TESK1: variants seen among roughly 807,000 people sequenced by gnomAD.
TESK1 encodes the protein testis associated actin remodelling kinase 1.
Under a neutral mutation model 59.9 loss-of-function variants are expected in TESK1, and 18 were observed. The ratio of observed to expected loss-of-function variants is 0.30; its 90% CI spans 0.21 to 0.45. The LOEUF (loss-of-function observed/expected upper bound fraction) is 0.45. Ranked by LOEUF, TESK1 falls within the 20% of genes least tolerant of loss-of-function variation. The probability of loss-of-function intolerance (pLI) is 1.00; values close to 1 mark genes in which losing one functional copy is unlikely to be tolerated. For missense variants in TESK1, 748 were observed against 840.9 expected (o/e 0.89, Z 1.37); for synonymous variants, 341 against 357.4 (o/e 0.95, Z 0.52).
rs1822827585 is a variant in TESK1 at position 35,605,603 on chromosome 9, G to T, written c.-17G>T. On this transcript the variant is annotated 5_prime_UTR_variant, in exon 1 of 10. Coordinates refer to ENST00000336395, the MANE Select transcript of TESK1 (RefSeq NM_006285.3). ...GGACCCTGCCATGTGAGGCAGGCCC[G>T]GGCTGGGGGCCCGGCCATGGCCGGG... is the stretch of plus-strand genomic sequence containing the variant. 9.8e-7 allele frequency: 1 copy of T among 1,025,244 alleles called. No individual in the cohort carries two copies. Among genetic ancestry groups the T allele is most frequent in the Non-Finnish European group, 1.2e-6 (1 of 814,514 alleles). The allele number at this position is 1,025,244 out of a possible 1,614,324, so 63.5% of individuals were successfully genotyped here.
chr9:35,608,524 C>T lies in TESK1; in HGVS notation c.1000+15C>T, dbSNP rs1201697872. 6.2e-7 allele frequency: 1 copy of T among 1,608,442 alleles called. No individual in the cohort carries two copies. The highest frequency in any genetic ancestry group is 1.1e-5 in the South Asian group (1 of 90,778). ...ACACAATCAGGGTAAGGGAGCCTGACCTTGATCCAGCTTGAGTCCTTTGGC... is the reference window on the plus strand; with the variant it reads ...ACACAATCAGGGTAAGGGAGCCTGATCTTGATCCAGCTTGAGTCCTTTGGC... On this transcript the variant is annotated intron_variant, in intron 9 of 9. Coordinates refer to ENST00000336395, the MANE Select transcript of TESK1 (RefSeq NM_006285.3).
chr9:35,608,539 A>G (rs747839330), intron 9 of TESK1, 30 bp downstream of exon 9: 1 of 1,597,380 alleles, frequency 6.3e-7, no homozygotes, highest in Admixed American at 1.7e-5. Context: ...ATCCAGCTTG[A>G]GTCCTTTGGC....
chr9:35,609,422 G>A lies in TESK1; in HGVS notation c.1561G>A (p.Val521Met). 6.2e-7 allele frequency: 1 copy of A among 1,609,196 alleles called. No homozygotes were observed. Among genetic ancestry groups the A allele is most frequent in the South Asian group, 1.1e-5 (1 of 90,452 alleles). The change falls in exon 10 of 10, where the codon GTG becomes ATG. Residue 521 changes from valine to methionine, a missense_variant. By Grantham distance (21) the Val-to-Met change is conservative (BLOSUM62 1). Around this residue, in one of 3 missense-constraint regions of TESK1, gnomAD observed 447 missense variants for 466.1 expected, o/e 0.96. Coordinates refer to ENST00000336395, the MANE Select transcript of TESK1 (RefSeq NM_006285.3). The surrounding 1 kb of genome is among the most constrained non-coding windows in gnomAD (Gnocchi z 6.7). Reference sequence around the variant, plus strand: ...CGTCCTCAATAACAATCCCCCAGCTGTGGTGGTGAACTCCCCACAAGGCTG... The same window carrying A: ...CGTCCTCAATAACAATCCCCCAGCTATGGTGGTGAACTCCCCACAAGGCTG... ...GPVLNNNPPA[V>M]VVNSPQGWAG...
At position 35,607,687 on chromosome 9, in the gene TESK1, C is replaced by T. The variant is rs1158685956; in HGVS notation, c.711+15C>T. ...ATGATGAGAAGGTGAGACATCAACC[C>T]TTCAGATCCCCAAGGCCTTCCGAGA... On this transcript the variant is annotated intron_variant, in intron 6 of 9. Transcript: ENST00000336395. This position sits in a 1 kb window ranked among gnomAD's most constrained non-coding sequence, Gnocchi z 4.5. 7 of 1,605,888 alleles carry T rather than the reference C, an allele frequency of 4.4e-6. No homozygotes were observed. In the African/African-American group the frequency reaches 6.7e-5, roughly 15 times the overall value.
rs1723869781 is a variant in TESK1 at position 35,609,671 on chromosome 9, C to T, written c.1810C>T (p.Leu604Phe). The T allele has an allele frequency of 6.2e-7, 1 of 1,603,854 alleles. No homozygotes were observed. Among genetic ancestry groups the T allele is most frequent in the Admixed American group, 1.7e-5 (1 of 59,988 alleles). ...YRNLNCEAGS[L>F]LCHRGHHAKP... ...CAACCTGAACTGTGAGGCGGGCAGT[C>T]TCCTCTGCCACCGAGGGCACCACGC... Residue 604 changes from leucine to phenylalanine, a missense_variant, in exon 10 of 10, where the codon CTC becomes TTC. By Grantham distance (22) the Leu-to-Phe change is conservative (BLOSUM62 0). Around this residue, in one of 3 missense-constraint regions of TESK1, gnomAD observed 447 missense variants for 466.1 expected, o/e 0.96. Transcript: ENST00000336395. The surrounding 1 kb of genome is among the most constrained non-coding windows in gnomAD (Gnocchi z 6.7).
At chr9:35,606,210 CCTT>C (rs758390705) in intron 2 of TESK1, 24 bp from the exon 3 acceptor site, 12 of 1,614,186 alleles carry the variant, frequency 7.4e-6, no homozygotes, top group East Asian at 2.2e-5. Context: ...AATAGCCTAT[CCTT>C]CTATCTTCCC....
chr9:35,608,852 C>T lies in TESK1; in HGVS notation c.1001-10C>T. 2 of 1,563,792 alleles carry T rather than the reference C, an allele frequency of 1.3e-6. No individual in the cohort carries two copies. Among genetic ancestry groups the T allele is most frequent in the Non-Finnish European group, 1.7e-6 (2 of 1,154,914 alleles). On this transcript the variant is annotated splice_polypyrimidine_tract_variant and intron_variant, in intron 9 of 9. Coordinates refer to ENST00000336395, the MANE Select transcript of TESK1 (RefSeq NM_006285.3). ...CTGAGGACAGTGATTCCAGACTTCTCTATCTACAGGCTCTGTTGCAAGAGG... is the reference window on the plus strand; with the variant it reads ...CTGAGGACAGTGATTCCAGACTTCTTTATCTACAGGCTCTGTTGCAAGAGG...
At position 35,606,822 on chromosome 9, in the gene TESK1, C is replaced by T. The variant is rs1341272905; in HGVS notation, c.391-15C>T. Reference sequence around the variant, plus strand: ...GAAGTCTGACATCTATTCCCATTCTCCTCCTATGCACCAGTATATGAATGG... The same window carrying T: ...GAAGTCTGACATCTATTCCCATTCTTCTCCTATGCACCAGTATATGAATGG... On this transcript the variant is annotated splice_polypyrimidine_tract_variant and intron_variant, in intron 3 of 9. Coordinates refer to ENST00000336395, the MANE Select transcript of TESK1 (RefSeq NM_006285.3). 6.3e-6 allele frequency: 10 copies of T among 1,586,998 alleles called. No homozygotes were observed. Among genetic ancestry groups the T allele is most frequent in the East Asian group, 2.2e-5 (1 of 44,594 alleles).
Position 35,608,201 on chromosome 9 carries a change from GGAT to G in TESK1, c.840_842del (p.Asp281del). ...TGCCTGCTTTCCGAACTCTGGTGGGGGATGACTGCCCACTGCCTTTCTTGCTCC... is the reference window on the plus strand; with the variant it reads ...TGCCTGCTTTCCGAACTCTGGTGGGGGACTGCCCACTGCCTTTCTTGCTCC... On this transcript the variant is annotated inframe_deletion, in exon 8 of 10. Transcript: ENST00000336395. 1.9e-6 allele frequency: 3 copies of G among 1,614,164 alleles called. No homozygotes were observed. The East Asian group carries it at 6.7e-5, about 36-fold the overall frequency.
At chr9:35,608,092 T>G in intron 7 of TESK1, 68 bp from the exon 8 acceptor site, 1 of 1,609,598 alleles carries the variant, frequency 6.2e-7, no homozygotes, top group Non-Finnish European at 8.5e-7. Flanking sequence ...AGGTTGAGGT[T>G]CTGACTGGGG....
chr9:35,605,755 A>G lies in TESK1; in HGVS notation c.136A>G (p.Ser46Gly), dbSNP rs1339174522. The G allele has an allele frequency of 2.5e-6, 4 of 1,606,826 alleles. No individual in the cohort carries two copies. The highest frequency in any genetic ancestry group is 3.4e-6 in the Non-Finnish European group (4 of 1,177,508). The part of the protein sequence containing the change: ...GRPSSYRALR[S>G]AVSSLARVDD... The stretch of plus-strand genomic sequence containing the variant: ...CCCCTCCTCCTACCGGGCTCTCCGC[A>G]GCGCCGTGTCTAGCCTGGCGCGTGT... The change falls in exon 1 of 10, where the codon AGC becomes GGC. Residue 46 changes from serine to glycine, a missense_variant. By Grantham distance (56) the Ser-to-Gly change is moderately conservative. Around this residue, in one of 3 missense-constraint regions of TESK1, gnomAD observed 133 missense variants for 117.4 expected, o/e 1.13. Coordinates refer to ENST00000336395, the MANE Select transcript of TESK1 (RefSeq NM_006285.3).
In TESK1 at chr9:35,607,969, C is replaced by T. The variant is rs762402261; in HGVS notation, c.753C>T (p.Ile251=). 3.1e-6 allele frequency: 5 copies of T among 1,614,178 alleles called. No homozygotes were observed. Among genetic ancestry groups the T allele is most frequent in the East Asian group, 2.2e-5 (1 of 44,880 alleles). The stretch of plus-strand genomic sequence containing the variant: ...TCGGGATTGTCCTCTGTGAGCTCAT[C>T]GCCCGAGTACCTGCAGACCCTGACT... The part of the protein sequence containing the change: ...FAFGIVLCEL[I]ARVPADPDYL... Residue 251 remains isoleucine (I), a synonymous_variant, in exon 7 of 10, where the codon ATC becomes ATT. Coordinates refer to ENST00000336395, the MANE Select transcript of TESK1 (RefSeq NM_006285.3). The surrounding 1 kb of genome is among the most constrained non-coding windows in gnomAD (Gnocchi z 4.5).
rs779635581 is a variant in TESK1, at chr9:35,605,688, C to A, written c.69C>A (p.Pro23=). 6.2e-6 allele frequency: 9 copies of A among 1,463,402 alleles called. No individual in the cohort carries two copies. In the South Asian group the frequency reaches 1.1e-4, roughly 17 times the overall value. The allele number at this position is 1,463,402 out of a possible 1,614,324, so 90.7% of individuals were successfully genotyped here. ...CTGGAGAGGTGCCGGGGGAGGGGCC[C>A]CCGGGGCCGGGGGGCACGGGCGGAG... ...PGPGEVPGEG[P]PGPGGTGGGP... The change falls in exon 1 of 10, where the codon CCC becomes CCA. Residue 23 remains proline (P), a synonymous_variant. Coordinates refer to ENST00000336395, the MANE Select transcript of TESK1 (RefSeq NM_006285.3).
chr9:35,606,930 G>C lies in TESK1; in HGVS notation c.484G>C (p.Gly162Arg). Residue 162 changes from glycine (G) to arginine (R), a missense_variant, in exon 4 of 10, where the codon GGC becomes CGC. Gly to Arg is a moderately radical substitution (Grantham distance 125). Around this residue, in one of 3 missense-constraint regions of TESK1, gnomAD observed 168 missense variants for 257.4 expected, o/e 0.65. Coordinates refer to ENST00000336395, the MANE Select transcript of TESK1 (RefSeq NM_006285.3). ...RLHLALDIAR[G>R]LRYLHSKGVF... ...CCACCTGGCCCTGGACATTGCCCGA[G>C]GCCTGCGGTACCTGCACTCCAAAGG... 1 of 1,613,438 alleles carries C rather than the reference G, an allele frequency of 6.2e-7. No individual in the cohort carries two copies. The highest frequency in any genetic ancestry group is 8.5e-7 in the Non-Finnish European group (1 of 1,179,646).
chr9:35,606,293 T>C lies in TESK1; in HGVS notation c.390+8T>C, dbSNP rs1437414025. ...CTGCACGCTCTTACAGAGGTGAGGA[T>C]AGGCCAGGAAGGAGGGATCCCCACC... On this transcript the variant is annotated splice_region_variant and intron_variant, in intron 3 of 9. Coordinates refer to ENST00000336395, the MANE Select transcript of TESK1 (RefSeq NM_006285.3). The C allele has an allele frequency of 6.2e-7, 1 of 1,613,762 alleles. No homozygotes were observed. Among genetic ancestry groups the C allele is most frequent in the Admixed American group, 1.7e-5 (1 of 60,022 alleles).
chr9:35,609,178 C>T lies in TESK1; in HGVS notation c.1317C>T (p.Pro439=). The T allele has an allele frequency of 4.3e-6, 7 of 1,613,696 alleles. No individual in the cohort carries two copies. Among genetic ancestry groups the T allele is most frequent in the Non-Finnish European group, 5.9e-6 (7 of 1,180,026 alleles). ...GTPARRCRSL[P]SSPELPRRME... ...CTGCCCGCCGCTGCCGCTCACTACC[C>T]TCATCCCCCGAGCTCCCCCGCCGTA... The change falls in exon 10 of 10, where the codon CCC becomes CCT. Residue 439 remains proline (P), a synonymous_variant. Transcript: ENST00000336395. The surrounding 1 kb of genome is among the most constrained non-coding windows in gnomAD (Gnocchi z 6.7).
rs779312995 is a variant in TESK1, at chr9:35,607,321, TG to T, written c.538-5del. On this transcript the variant is annotated splice_region_variant and splice_polypyrimidine_tract_variant and intron_variant, in intron 4 of 9. Transcript: ENST00000336395. The surrounding 1 kb of genome is among the most constrained non-coding windows in gnomAD (Gnocchi z 4.5). ...TGCGTGGGGATACTATGTGTGTGTGTGTCAGAACTGTCTAGTCCGACGGGAA... is the reference window on the plus strand; with the variant it reads ...TGCGTGGGGATACTATGTGTGTGTGTTCAGAACTGTCTAGTCCGACGGGAA... The T allele has an allele frequency of 2.5e-6, 4 of 1,614,158 alleles. No homozygotes were observed. The highest frequency in any genetic ancestry group is 3.4e-6 in the Non-Finnish European group (4 of 1,180,016).
chr9:35,607,236 T>C lies in TESK1; in HGVS notation c.538-91T>C, dbSNP rs970694665. ...GGGAGAGCAGAGAGGGTTGGAGTTA[T>C]GCTGGAGTGACAGGGCTTTGGGTTA... is the stretch of plus-strand genomic sequence containing the variant. On this transcript the variant is annotated intron_variant, in intron 4 of 9. Transcript: ENST00000336395. This position sits in a 1 kb window ranked among gnomAD's most constrained non-coding sequence, Gnocchi z 4.5. 4.6e-6 allele frequency: 7 copies of C among 1,516,200 alleles called. No individual in the cohort carries two copies. The highest frequency in any genetic ancestry group is 6.4e-6 in the Non-Finnish European group (7 of 1,093,898). The allele number at this position is 1,516,200 out of a possible 1,614,324, so 93.9% of individuals were successfully genotyped here.
At chr9:35,605,864 G>A (rs1261675281) in intron 1 of TESK1, 26 bp downstream of exon 1, 2 of 1,608,332 alleles carry the variant, frequency 1.2e-6, no homozygotes, top group African/African-American at 1.3e-5. Context: ...AGGGCAGAGG[G>A]GCGGGACCGA....
Sources: allele counts gnomAD v4.1 joint callset, GRCh38; gene constraint gnomAD v4.1.1; regional missense constraint gnomAD v4.1.1; non-coding constraint Gnocchi (gnomAD v3.1); transcripts MANE v1.5; gene names NCBI Gene and HGNC (gene_info 2026-07-23, HGNC 2026-07-21).